USP25: variants seen among roughly 807,000 people sequenced by gnomAD.
USP25 encodes ubiquitin carboxyl-terminal hydrolase 25.
USP25 carries 85 observed loss-of-function variants against 158.5 expected under a neutral mutation model. The ratio of observed to expected loss-of-function variants is 0.54; its 90% CI spans 0.45 to 0.64. USP25 has a LOEUF of 0.64. USP25 is among the 30% of genes least tolerant of loss of function. The pLI is 0.00. For synonymous variants in USP25, 464 were observed against 460.4 expected (o/e 1.01, Z -0.10); for missense variants, 1,242 against 1,327.3 (o/e 0.94, Z 1.00).
intron 2 of USP25, among the ~76,000 whole-genome samples, chr21:15,764,316 C>CTTTTT (rs61313473): frequency 7.8e-6 from 1 of 127,718 alleles, no homozygotes; most frequent in Non-Finnish European, 1.7e-5. Flanking sequence ...GGGGAATTTG[C>CTTTTT]TTTTTTTTTT....
At chr21:15,787,274 A>G (rs978425040) in intron 4 of USP25, among the ~76,000 whole-genome samples, 4 of 152,172 alleles carry the variant, frequency 2.6e-5, no homozygotes, top group African/African-American at 9.6e-5. Context: ...ATGTGGAACC[A>G]CAAGAGAGCC....
chr21:15,748,628 C>G (rs1289657494), intron 1 of USP25, among the ~76,000 whole-genome samples: 1 of 151,986 alleles, frequency 6.6e-6, no homozygotes, highest in East Asian at 1.9e-4. Flanking sequence ...TATGGTTTTA[C>G]TGAAACTTGT....
chr21:15,735,669 T>C (rs751109577), intron 1 of USP25, among the ~76,000 whole-genome samples: 1 of 152,130 alleles, frequency 6.6e-6, no homozygotes, highest in Non-Finnish European at 1.5e-5. Context: ...TGGAATTGTT[T>C]AGTGTAGGAT....
intron 3 of USP25, among the ~76,000 whole-genome samples, chr21:15,771,983 G>A (rs1336788187): frequency 2.6e-5 from 4 of 151,644 alleles, no homozygotes; most frequent in Non-Finnish European, 5.9e-5. Flanking sequence ...TTTTTCTTCT[G>A]AATTCAAAAT....
chr21:15,874,621 G>A, intron 24 of USP25, 95 bp downstream of exon 24: 1 of 1,258,782 alleles, frequency 7.9e-7, no homozygotes, highest in Non-Finnish European at 1.1e-6. Flanking sequence ...CATAAACTCT[G>A]AGGGGATAAG....
At chr21:15,863,746 G>A (rs2039531944) in intron 20 of USP25, among the ~76,000 whole-genome samples, 1 of 152,168 alleles carries the variant, frequency 6.6e-6, no homozygotes, top group African/African-American at 2.4e-5. Flanking sequence ...GGATAAAGAA[G>A]GGCCTTTGTG....
chr21:15,765,009 C>A (rs928592959), intron 2 of USP25, among the ~76,000 whole-genome samples: 1 of 151,954 alleles, frequency 6.6e-6, no homozygotes, highest in African/African-American at 2.4e-5. Flanking sequence ...GTCTTCTGCC[C>A]TTTCTCTCCT....
At chr21:15,808,197 G>A (rs1262486014) in intron 7 of USP25, among the ~76,000 whole-genome samples, 2 of 152,108 alleles carry the variant, frequency 1.3e-5, no homozygotes, top group African/African-American at 4.8e-5. Context: ...TCACGTTATT[G>A]AAAGAATTAT....
intron 22 of USP25, 75 bp downstream of exon 22, chr21:15,866,419 C>A: frequency 4.4e-6 from 5 of 1,128,680 alleles, no homozygotes; most frequent in South Asian, 4.6e-5. Context: ...TCGTTTCAGC[C>A]CAACTGAAGT....
Position 15,775,708 on chromosome 21 carries a change from A to G in USP25, c.269-2196A>G, listed in dbSNP as rs543974988. ...AAATCTTTTCAATCAAGCTAGAGAA[A>G]ACAGCCAAAGGCAACAGGATAATGG... On this transcript the variant is annotated intron_variant, in intron 3 of 25. Coordinates refer to ENST00000400183, the MANE Select transcript of USP25 (RefSeq NM_001283041.3). 2.0e-3 allele frequency among the ~76,000 whole-genome samples: 295 copies of G among 150,022 alleles called. 4 individuals are homozygous for G. The highest frequency in any genetic ancestry group is 7.1e-3 in the African/African-American group (285 of 40,418).
intron 3 of USP25, among the ~76,000 whole-genome samples, chr21:15,772,333 G>A (rs755234653): frequency 2.0e-5 from 3 of 152,134 alleles, no homozygotes; most frequent in Non-Finnish European, 4.4e-5. Flanking sequence ...CAGGAAAAAT[G>A]TTTTAATTTG....
chr21:15,829,014 A>G (rs902168298), intron 14 of USP25, among the ~76,000 whole-genome samples: 1 of 152,294 alleles, frequency 6.6e-6, no homozygotes, highest in East Asian at 1.9e-4. Flanking sequence ...TCTTTCATCC[A>G]TATTGATGTT....
intron 3 of USP25, among the ~76,000 whole-genome samples, chr21:15,771,207 G>A (rs557014065): frequency 7.2e-4 from 110 of 152,256 alleles, no homozygotes; most frequent in South Asian, 3.7e-3. Context: ...GTAATAAGTC[G>A]TTCATGAAGA....
chr21:15,772,881 G>A (rs2823483), intron 3 of USP25, among the ~76,000 whole-genome samples: 2 of 151,994 alleles, frequency 1.3e-5, no homozygotes, highest in African/African-American at 2.4e-5. Flanking sequence ...TGTGTGGACC[G>A]TATGTGAGGG....
In USP25 at chr21:15,830,598, A is replaced by G; in HGVS notation, c.1761A>G (p.Ile587Met). The G allele has an allele frequency of 6.3e-7, 1 of 1,589,834 alleles. No individual in the cohort carries two copies. The highest frequency in any genetic ancestry group is 8.6e-7 in the Non-Finnish European group (1 of 1,168,772). ...IELMYSDKSM[I>M]QVPYRLHAVL... ...TAATGTACTCTGACAAATCTATGAT[A>G]CAAGTAAGTGAAATTTTGAGCTAGT... The change falls in exon 15 of 26, where the codon ATA (isoleucine) becomes ATG (methionine). Residue 587 changes from isoleucine to methionine, a missense_variant. By Grantham distance (10) the Ile-to-Met change is conservative. This residue lies in a region of USP25 where 627 missense variants were observed against 701.4 expected (regional missense o/e 0.89). Coordinates refer to ENST00000400183, the MANE Select transcript of USP25 (RefSeq NM_001283041.3).
chr21:15,821,753 T>A (rs747260757), intron 10 of USP25, among the ~76,000 whole-genome samples: 11 of 151,976 alleles, frequency 7.2e-5, no homozygotes, highest in Non-Finnish European at 1.5e-4. Context: ...CGTGGGGAAT[T>A]TGAAGTGATA....
intron 22 of USP25, among the ~76,000 whole-genome samples, chr21:15,868,796 G>T (rs1043145163): frequency 2.6e-5 from 4 of 152,160 alleles, no homozygotes; most frequent in African/African-American, 9.7e-5. Context: ...TACAGAAAAA[G>T]TTTGCCTACT....
intron 4 of USP25, among the ~76,000 whole-genome samples, chr21:15,790,026 G>A (rs993337438): frequency 6.6e-6 from 1 of 151,878 alleles, no homozygotes; most frequent in Non-Finnish European, 1.5e-5. Context: ...GGACCTCCTG[G>A]GTCTCCAATA....
At chr21:15,860,304 C>T (rs1055331788) in intron 20 of USP25, among the ~76,000 whole-genome samples, 2 of 152,162 alleles carry the variant, frequency 1.3e-5, no homozygotes, top group Non-Finnish European at 2.9e-5. Context: ...AGGCGCCCAT[C>T]ACCATGCCTG....
Sources: gnomAD v4.1 joint callset for allele counts (sites outside exome capture counted in the v4.1 genomes callset) on GRCh38, gnomAD v4.1.1 for gene constraint, gnomAD v4.1.1 regional missense constraint, MANE v1.5 for transcripts, NCBI Gene and HGNC (gene_info 2026-07-23, HGNC 2026-07-21) for gene names.